The following RBFOX1 variants were observed in gnomAD, a reference collection of about 807,000 sequenced individuals.
The protein encoded by RBFOX1 is RNA binding fox-1 homolog 1.
A neutral mutation model predicts 57.7 loss-of-function variants in RBFOX1; 8 were observed. That is an observed-to-expected ratio of 0.14 (90% confidence interval 0.08 to 0.25). RBFOX1 has a LOEUF of 0.25. Among genes scored for constraint, RBFOX1 ranks in the 10% least tolerant of loss-of-function variants. The pLI, the probability that RBFOX1 is intolerant of heterozygous loss-of-function variation, is 1.00. For missense variants in RBFOX1, 611 were observed against 548.5 expected (o/e 1.11, Z -1.14); for synonymous variants, 326 against 222.4 (o/e 1.47, Z -4.15).
At chr16:5,497,128 A>G (rs2151686355) in intron 2 of RBFOX1, among the ~76,000 whole-genome samples, 1 of 152,362 alleles carries the variant, frequency 6.6e-6, no homozygotes, top group East Asian at 1.9e-4. Flanking sequence ...ATGGTTTTAT[A>G]AACGAAGTTT....
At chr16:5,817,851 C>T (rs11648310) in intron 3 of RBFOX1, among the ~76,000 whole-genome samples, 95,341 of 151,740 alleles carry the variant, frequency 0.63, 30,523 homozygotes, top group Non-Finnish European at 0.7. Context: ...CCACCATGCC[C>T]GGCTAATTTT....
chr16:6,197,834 G>T (rs987149490), intron 1 of RBFOX1, among the ~76,000 whole-genome samples: 1 of 151,924 alleles, frequency 6.6e-6, no homozygotes, highest in Non-Finnish European at 1.5e-5. Context: ...CTCAGTGTCT[G>T]TTGTTCCCTT....
intron 3 of RBFOX1, among the ~76,000 whole-genome samples, chr16:6,853,367 G>A (rs1490865520): frequency 6.6e-6 from 1 of 152,122 alleles, no homozygotes; most frequent in Non-Finnish European, 1.5e-5. Context: ...CATACCCTAA[G>A]GGTTGGCTGC....
chr16:7,032,498 G>T (rs1361867463), intron 3 of RBFOX1, among the ~76,000 whole-genome samples: 1 of 151,820 alleles, frequency 6.6e-6, no homozygotes, highest in Admixed American at 6.6e-5. Context: ...TTTTTTAAAG[G>T]AAAAAAATAA....
intron 11 of RBFOX1, among the ~76,000 whole-genome samples, chr16:7,636,610 C>T (rs1191581966): frequency 6.6e-6 from 1 of 152,128 alleles, no homozygotes; most frequent in Non-Finnish European, 1.5e-5. Context: ...TTACAAAATC[C>T]CTGTCAAGAG....
At chr16:7,196,855 G>A (rs2086829386) in intron 4 of RBFOX1, among the ~76,000 whole-genome samples, 1 of 152,134 alleles carries the variant, frequency 6.6e-6, no homozygotes, top group African/African-American at 2.4e-5. Flanking sequence ...TGTGCAAAGG[G>A]AAAAGGAAAT....
chr16:5,328,912 C>T (rs1265929471), intron 1 of RBFOX1, among the ~76,000 whole-genome samples: 2 of 152,188 alleles, frequency 1.3e-5, no homozygotes, highest in Non-Finnish European at 2.9e-5. Context: ...TTCCTGAGTA[C>T]CCTTGATGCT....
At chr16:5,552,759 C>T (rs1457381030) in intron 2 of RBFOX1, among the ~76,000 whole-genome samples, 1 of 152,158 alleles carries the variant, frequency 6.6e-6, no homozygotes, top group Admixed American at 6.5e-5. Context: ...CTTCCCTTTG[C>T]TCTGATCACA....
At chr16:7,403,183 A>C (rs979844343) in intron 4 of RBFOX1, among the ~76,000 whole-genome samples, 1 of 152,160 alleles carries the variant, frequency 6.6e-6, no homozygotes. Flanking sequence ...TGCAGTGACC[A>C]CCACTCTGAA....
At chr16:6,192,457 C>T (rs1310914746) in intron 1 of RBFOX1, among the ~76,000 whole-genome samples, 1 of 151,984 alleles carries the variant, frequency 6.6e-6, no homozygotes, top group Non-Finnish European at 1.5e-5. Flanking sequence ...TTTCTTCTTC[C>T]TTCCCTCTCC....
chr16:6,336,289 C>G (rs1172175349), intron 2 of RBFOX1, among the ~76,000 whole-genome samples: 1 of 143,344 alleles, frequency 7.0e-6, no homozygotes, highest in Non-Finnish European at 1.5e-5. Context: ...AGCTCCGCCT[C>G]CCAGGTTCAC....
At position 6,398,327 on chromosome 16, in the gene RBFOX1, C is replaced by A. The variant is rs531730646; in HGVS notation, c.-64+81270C>A. Among the ~76,000 whole-genome samples the A allele has an allele frequency of 7.9e-5, 12 of 152,248 alleles. No individual in the cohort carries two copies. The East Asian group carries it at 1.2e-3, about 15-fold the overall frequency. On this transcript the variant is annotated intron_variant, in intron 2 of 15. Coordinates refer to ENST00000550418, the MANE Select transcript of RBFOX1 (RefSeq NM_018723.4). ...TCCTGGTCCTTTCCAAATCTCATGT[C>A]CTCACATTTAAAAACACAATTATTC... is the stretch of plus-strand genomic sequence containing the variant.
At chr16:7,152,149 A>G (rs2076227539) in intron 4 of RBFOX1, among the ~76,000 whole-genome samples, 1 of 152,190 alleles carries the variant, frequency 6.6e-6, no homozygotes, top group Non-Finnish European at 1.5e-5. Context: ...TTCTGTTTGG[A>G]TCACATCCTC....
chr16:5,640,523 C>A (rs1205482561), intron 3 of RBFOX1, among the ~76,000 whole-genome samples: 2 of 151,928 alleles, frequency 1.3e-5, no homozygotes. Flanking sequence ...CACATACACA[C>A]ATGCACATAC....
intron 4 of RBFOX1, among the ~76,000 whole-genome samples, chr16:7,143,881 T>G (rs1337720356): frequency 6.6e-6 from 1 of 152,184 alleles, no homozygotes; most frequent in African/African-American, 2.4e-5. Context: ...TAAGAGCTAC[T>G]ACTATATAGT....
At chr16:7,142,296 T>A (rs564737505) in intron 4 of RBFOX1, among the ~76,000 whole-genome samples, 2 of 152,230 alleles carry the variant, frequency 1.3e-5, no homozygotes, top group Admixed American at 1.3e-4. Flanking sequence ...AGTGGCGGGA[T>A]TATGGACATG....
chr16:7,245,212 A>G lies in RBFOX1; in HGVS notation c.27+193114A>G, dbSNP rs1237173883. Among the ~76,000 whole-genome samples the G allele has an allele frequency of 5.3e-5, 8 of 152,344 alleles. No individual in the cohort carries two copies. In the East Asian group the frequency reaches 1.5e-3, roughly 29 times the overall value. ...TAAAATAATAAATATCTTATATTTC[A>G]TTTGAAAAATATTTCATATAGTTAT... On this transcript the variant is annotated intron_variant, in intron 4 of 15. Coordinates refer to ENST00000550418, the MANE Select transcript of RBFOX1 (RefSeq NM_018723.4).
intron 1 of RBFOX1, among the ~76,000 whole-genome samples, chr16:6,061,660 ATC>A (rs1258002442): frequency 6.6e-6 from 1 of 152,106 alleles, no homozygotes; most frequent in Non-Finnish European, 1.5e-5. Flanking sequence ...ATATAAATAA[ATC>A]TCTATGGATA....
intron 3 of RBFOX1, among the ~76,000 whole-genome samples, chr16:5,866,349 A>C (rs112592729): frequency 0.022 from 3,380 of 152,280 alleles, 52 homozygotes; most frequent in Middle Eastern, 0.048. Flanking sequence ...TTACTTTCCA[A>C]AGGTCCAGTC....
Sources: allele counts gnomAD v4.1 joint callset (sites outside exome capture counted in the v4.1 genomes callset), GRCh38; gene constraint gnomAD v4.1.1; transcripts MANE v1.5; gene names NCBI Gene and HGNC (gene_info 2026-07-23, HGNC 2026-07-21).